Variants in GAS7 observed in about 807,000 individuals in gnomAD.
GAS7 encodes growth arrest-specific protein 7.
In GAS7, 28 loss-of-function variants were observed where a neutral mutation model predicts 71.1. The ratio of observed to expected loss-of-function variants is 0.39; its 90% confidence interval spans 0.29 to 0.54. The LOEUF is 0.54. GAS7 is among the 20% of genes least tolerant of loss of function. GAS7 has a pLI of 0.62. For missense variants in GAS7, 436 were observed against 627.8 expected (o/e 0.69, Z 3.27); for synonymous variants, 258 against 245.8 (o/e 1.05, Z -0.46).
At chr17:9,976,064 G>A (rs2070190244) in intron 3 of GAS7, among the ~76,000 whole-genome samples, 2 of 152,208 alleles carry the variant, frequency 1.3e-5, no homozygotes, top group African/African-American at 2.4e-5. Flanking sequence ...CCCATTTAGG[G>A]GAGCAGTTTT....
At position 9,977,920 on chromosome 17, in the gene GAS7, A is replaced by G. The variant is rs189138876; in HGVS notation, c.385+3884T>C. 9.8e-5 allele frequency among the ~76,000 whole-genome samples: 15 copies of G among 152,328 alleles called. No individual in the cohort carries two copies. In the East Asian group the frequency reaches 2.9e-3, roughly 29 times the overall value. On this transcript the variant is annotated intron_variant, in intron 3 of 13. Coordinates refer to ENST00000432992, the MANE Select transcript of GAS7 (RefSeq NM_201433.2). ...TAGAAGTTAACAAAGCTACAACACAAAAGTAAAGCTGGCTGGGCATGGCGG... is the reference window on the plus strand; with the variant it reads ...TAGAAGTTAACAAAGCTACAACACAGAAGTAAAGCTGGCTGGGCATGGCGG...
At chr17:10,173,717 G>A (rs4791930) in intron 1 of GAS7, among the ~76,000 whole-genome samples, 30,109 of 151,390 alleles carry the variant, frequency 0.2, 3,031 homozygotes, top group Middle Eastern at 0.27. Context: ...GTAGTGAGCC[G>A]AGATCGTGCC....
rs775570813 is a variant in GAS7 at position 9,926,011 on chromosome 17, G to A, written c.1015-412C>T. 6.6e-6 allele frequency among the ~76,000 whole-genome samples: 1 copy of A among 152,012 alleles called. No individual in the cohort carries two copies. The highest frequency in any genetic ancestry group is 3.4e-3 in the Middle Eastern group (1 of 294). On this transcript the variant is annotated intron_variant, in intron 10 of 13. Transcript: ENST00000432992. This position sits in a 1 kb window ranked among gnomAD's most constrained non-coding sequence, Gnocchi z 5.0. ...CCCGTTCTGGAGCTGGACAAGCCTCGGCCCTCTTGTTCCCCTCACTGTACT... is the reference window on the plus strand; with the variant it reads ...CCCGTTCTGGAGCTGGACAAGCCTCAGCCCTCTTGTTCCCCTCACTGTACT...
intron 1 of GAS7, among the ~76,000 whole-genome samples, chr17:10,165,059 C>T (rs1597829983): frequency 6.7e-6 from 1 of 148,894 alleles, no homozygotes; most frequent in Middle Eastern, 3.4e-3. Context: ...CTGAGGCAGG[C>T]GGATCACAAG....
chr17:9,921,842 C>T (rs1375429551), intron 11 of GAS7, among the ~76,000 whole-genome samples: 3 of 151,788 alleles, frequency 2.0e-5, no homozygotes, highest in Non-Finnish European at 4.4e-5. Flanking sequence ...GCCTGTAGTC[C>T]CAGCTACTCG....
chr17:10,058,213 C>T (rs529752463), intron 1 of GAS7, among the ~76,000 whole-genome samples: 1 of 152,104 alleles, frequency 6.6e-6, no homozygotes, highest in South Asian at 2.1e-4. Flanking sequence ...TGCCAAATCT[C>T]CCAATGCGAG....
intron 1 of GAS7, among the ~76,000 whole-genome samples, chr17:10,063,610 A>C (rs921767868): frequency 6.6e-6 from 1 of 152,112 alleles, no homozygotes; most frequent in African/African-American, 2.4e-5. Context: ...AACAGCTAAT[A>C]ATGGCGGTGC....
chr17:9,926,683 G>T lies in GAS7; in HGVS notation c.972C>A (p.Asp324Glu). Reference protein sequence around the residue: ...DMKKCDHHIADLRKQLASRYA... With the variant: ...DMKKCDHHIAELRKQLASRYA... ...AGCGGCTGGCGAGCTGCTTGCGAAG[G>T]TCGGCAATGTGGTGGTCGCACTTCT... Residue 324 changes from aspartate to glutamate, a missense_variant, in exon 10 of 14, where the codon GAC (aspartate) becomes GAA (glutamate). Physicochemically the swap from Asp to Glu is conservative, Grantham distance 45 (BLOSUM62 2). Transcript: ENST00000432992. This position sits in a 1 kb window ranked among gnomAD's most constrained non-coding sequence, Gnocchi z 5.0. 1 of 1,613,896 alleles carries T rather than the reference G, an allele frequency of 6.2e-7. No individual in the cohort carries two copies. Among genetic ancestry groups the T allele is most frequent in the Non-Finnish European group, 8.5e-7 (1 of 1,179,998 alleles).
intron 1 of GAS7, among the ~76,000 whole-genome samples, chr17:10,170,959 C>G (rs906230922): frequency 6.6e-6 from 1 of 152,192 alleles, no homozygotes; most frequent in East Asian, 1.9e-4. Context: ...TGTGGCTGAG[C>G]CAGCGAACCA....
intron 1 of GAS7, among the ~76,000 whole-genome samples, chr17:10,115,058 T>G (rs2073847935): frequency 6.6e-6 from 1 of 152,208 alleles, no homozygotes; most frequent in African/African-American, 2.4e-5. Context: ...TGGCTGCCTC[T>G]CTGTGCCAGA....
At chr17:10,040,594 C>T (rs7215569) in intron 1 of GAS7, among the ~76,000 whole-genome samples, 4 of 148,060 alleles carry the variant, frequency 2.7e-5, no homozygotes, top group Non-Finnish European at 4.5e-5. Context: ...TCTCTCTCCC[C>T]CCTCTCACCC....
At chr17:10,117,608 T>C (rs1305581879) in intron 1 of GAS7, among the ~76,000 whole-genome samples, 2 of 152,108 alleles carry the variant, frequency 1.3e-5, no homozygotes, top group Non-Finnish European at 2.9e-5. Flanking sequence ...CCCAATTATG[T>C]AGCACCTCAT....
intron 6 of GAS7, among the ~76,000 whole-genome samples, chr17:9,944,243 G>C (rs931423302): frequency 2.6e-5 from 4 of 152,214 alleles, no homozygotes. Context: ...GCCATCCCAG[G>C]CATGTCTAAA....
chr17:10,072,719 G>C (rs1032501777), intron 1 of GAS7, among the ~76,000 whole-genome samples: 4 of 152,106 alleles, frequency 2.6e-5, no homozygotes, highest in African/African-American at 9.7e-5. Flanking sequence ...GTAAGGTAAA[G>C]AACAGACCAG....
At chr17:10,107,394 C>T (rs927936390) in intron 1 of GAS7, among the ~76,000 whole-genome samples, 1 of 152,284 alleles carries the variant, frequency 6.6e-6, no homozygotes, top group African/African-American at 2.4e-5. Flanking sequence ...TGGAAACTTA[C>T]ATACAGAGTG....
chr17:10,019,919 G>A (rs780118350), intron 1 of GAS7, 22 bp from the exon 2 acceptor site: 1 of 1,610,636 alleles, frequency 6.2e-7, no homozygotes, highest in Non-Finnish European at 8.5e-7. Flanking sequence ...GAAAGAAAAG[G>A]TCACACCCAT....
chr17:10,000,318 G>A (rs2152162507), intron 2 of GAS7, among the ~76,000 whole-genome samples: 1 of 152,328 alleles, frequency 6.6e-6, no homozygotes. Context: ...AGAAACACTG[G>A]TCTAGAAGGC....
chr17:10,067,443 C>T (rs2073293623), intron 1 of GAS7, among the ~76,000 whole-genome samples: 1 of 152,028 alleles, frequency 6.6e-6, no homozygotes, highest in South Asian at 2.1e-4. Context: ...CGGGGTTTCA[C>T]CATGTTGGCC....
intron 1 of GAS7, among the ~76,000 whole-genome samples, chr17:10,130,402 G>A (rs1597809125): frequency 6.7e-6 from 1 of 150,110 alleles, no homozygotes; most frequent in Admixed American, 6.6e-5. Flanking sequence ...ACCCTCATAC[G>A]ATCCTGGTGG....
Sources: gnomAD v4.1 joint callset for allele counts (sites outside exome capture counted in the v4.1 genomes callset) on GRCh38, gnomAD v4.1.1 for gene constraint, Gnocchi (gnomAD v3.1) non-coding constraint, MANE v1.5 for transcripts, NCBI Gene and HGNC (gene_info 2026-07-23, HGNC 2026-07-21) for gene names.